The following RBM47 variants were observed in gnomAD, a reference collection of about 807,000 sequenced individuals.
RBM47 encodes RNA-binding protein 47.
In RBM47, 21 loss-of-function variants were observed where a neutral mutation model predicts 47.1. The ratio of observed to expected loss-of-function variants is 0.45; its 90% CI spans 0.32 to 0.64. RBM47 has a LOEUF of 0.64. Ranked by LOEUF, RBM47 falls within the 30% of genes least tolerant of loss-of-function variation. RBM47 has a pLI of 0.05. For synonymous variants in RBM47, 375 were observed against 361.7 expected (o/e 1.04, Z -0.42); for missense variants, 708 against 870.9 (o/e 0.81, Z 2.35).
chr4:40,466,502 A>T (rs1204650088), intron 3 of RBM47, 75 bp downstream of exon 3: 2 of 152,074 alleles, frequency 1.3e-5, no homozygotes, highest in Non-Finnish European at 2.9e-5. Flanking sequence ...AGTAGCAGGT[A>T]TCTTGGTTGA....
intron 2 of RBM47, among the ~76,000 whole-genome samples, chr4:40,521,869 A>G (rs1012694660): frequency 1.3e-5 from 2 of 152,164 alleles, no homozygotes. Flanking sequence ...AAGAAAAATA[A>G]TTTTAAAAAA....
intron 3 of RBM47, among the ~76,000 whole-genome samples, chr4:40,441,858 G>A (rs1271808764): frequency 6.6e-6 from 1 of 152,172 alleles, no homozygotes; most frequent in Admixed American, 6.5e-5. Flanking sequence ...TTAAAATAGC[G>A]ATAGCTTATT....
intron 1 of RBM47, among the ~76,000 whole-genome samples, chr4:40,548,919 G>A (rs1401134926): frequency 6.6e-6 from 1 of 152,096 alleles, no homozygotes; most frequent in African/African-American, 2.4e-5. Context: ...GCCCAACTTG[G>A]CCTCCCAAAG....
At chr4:40,432,474 A>G (rs1716309017) in intron 6 of RBM47, among the ~76,000 whole-genome samples, 177 bp downstream of exon 6, 1 of 152,160 alleles carries the variant, frequency 6.6e-6, no homozygotes, top group African/African-American at 2.4e-5. Flanking sequence ...GGGTAGTACA[A>G]TTAATTAAAA....
At chr4:40,510,187 C>CAA (rs1192114584) in intron 2 of RBM47, among the ~76,000 whole-genome samples, 2,498 of 103,846 alleles carry the variant, frequency 0.024, 113 homozygotes, top group African/African-American at 0.076. Context: ...AACTCCATCT[C>CAA]AAAAAAAAAA....
At chr4:40,508,229 A>AAT (rs1724396288) in intron 2 of RBM47, among the ~76,000 whole-genome samples, 1 of 152,122 alleles carries the variant, frequency 6.6e-6, no homozygotes. Flanking sequence ...AAGTCATAAA[A>AAT]CTTTTCTGAT....
chr4:40,443,144 C>T (rs1577642925), intron 3 of RBM47, among the ~76,000 whole-genome samples: 1 of 151,950 alleles, frequency 6.6e-6, no homozygotes, highest in East Asian at 1.9e-4. Context: ...CTAGTGGTTA[C>T]CATGGGCTGG....
intron 1 of RBM47, among the ~76,000 whole-genome samples, chr4:40,560,127 G>A (rs530502013): frequency 1.3e-5 from 2 of 152,302 alleles, no homozygotes; most frequent in African/African-American, 2.4e-5. Flanking sequence ...GCCAAGCTGA[G>A]TTTTGACCCA....
At chr4:40,613,008 G>A (rs139698451) in intron 1 of RBM47, among the ~76,000 whole-genome samples, 1 of 152,218 alleles carries the variant, frequency 6.6e-6, no homozygotes, top group East Asian at 1.9e-4. Context: ...TTGACTAAAA[G>A]GTTTCTTCAA....
chr4:40,500,239 G>A (rs1723162734), intron 2 of RBM47, among the ~76,000 whole-genome samples: 1 of 152,052 alleles, frequency 6.6e-6, no homozygotes. Context: ...CTTGAACCCT[G>A]GAGGTGGAGG....
chr4:40,489,214 G>C (rs1327524245), intron 2 of RBM47, among the ~76,000 whole-genome samples: 1 of 152,132 alleles, frequency 6.6e-6, no homozygotes, highest in Non-Finnish European at 1.5e-5. Context: ...GAGCTTGGGG[G>C]AATGGAGATA....
At chr4:40,470,235 G>C (rs1718654093) in intron 2 of RBM47, among the ~76,000 whole-genome samples, 1 of 151,872 alleles carries the variant, frequency 6.6e-6, no homozygotes, top group Non-Finnish European at 1.5e-5. Context: ...CCCCCAGCCT[G>C]GTACCCTGAA....
intron 1 of RBM47, among the ~76,000 whole-genome samples, chr4:40,615,104 C>G (rs1049802399): frequency 1.3e-5 from 2 of 151,606 alleles, no homozygotes; most frequent in African/African-American, 4.9e-5. Context: ...CCAGTCTGAG[C>G]AACAGAGCAA....
At chr4:40,457,546 A>G (rs887398463) in intron 3 of RBM47, among the ~76,000 whole-genome samples, 2 of 151,960 alleles carry the variant, frequency 1.3e-5, no homozygotes, top group African/African-American at 4.8e-5. Flanking sequence ...GGTTCAAGTG[A>G]TTTTCGTGCC....
chr4:40,512,310 AG>A, intron 2 of RBM47, among the ~76,000 whole-genome samples: 1 of 148,472 alleles, frequency 6.7e-6, no homozygotes, highest in East Asian at 2.0e-4. Context: ...GCTACTTGGG[AG>A]GCTGAGGCAG....
At chr4:40,552,239 A>C (rs1454508440) in intron 1 of RBM47, among the ~76,000 whole-genome samples, 2 of 151,842 alleles carry the variant, frequency 1.3e-5, no homozygotes, top group Non-Finnish European at 2.9e-5. Context: ...TCTACTAAAA[A>C]TACAAAAAAT....
At chr4:40,611,802 C>G (rs1475354886) in intron 1 of RBM47, among the ~76,000 whole-genome samples, 1 of 152,088 alleles carries the variant, frequency 6.6e-6, no homozygotes, top group Non-Finnish European at 1.5e-5. Context: ...TGGAAGCAAA[C>G]TTGAAATCAC....
At chr4:40,510,485 T>C (rs773418445) in intron 2 of RBM47, among the ~76,000 whole-genome samples, 14 of 152,210 alleles carry the variant, frequency 9.2e-5, no homozygotes, top group Non-Finnish European at 1.5e-4. Context: ...GGGAACTTAA[T>C]ATTTTAGCAA....
At chr4:40,560,016 C>T (rs949034810) in intron 1 of RBM47, among the ~76,000 whole-genome samples, 2 of 152,124 alleles carry the variant, frequency 1.3e-5, no homozygotes, top group Non-Finnish European at 2.9e-5. Flanking sequence ...CCCATAACCA[C>T]GCGCTCACTT....
Sources: allele counts gnomAD v4.1 joint callset (sites outside exome capture counted in the v4.1 genomes callset), GRCh38; gene constraint gnomAD v4.1.1; transcripts MANE v1.5; gene names NCBI Gene and HGNC (gene_info 2026-07-23, HGNC 2026-07-21).